Variants in RPRD2 observed in about 807,000 individuals in gnomAD.
RPRD2 encodes the protein regulation of nuclear pre-mRNA domain-containing protein 2.
RPRD2 carries 12 observed loss-of-function variants against 104.4 expected under a neutral mutation model. The ratio of observed to expected loss-of-function variants is 0.11; its 90% CI spans 0.07 to 0.19. The LOEUF (loss-of-function observed/expected upper bound fraction) is 0.19, where lower values mean the gene tolerates loss of function less well. Ranked by LOEUF, RPRD2 falls within the 10% of genes least tolerant of loss-of-function variation. RPRD2 has a pLI of 1.00. For synonymous variants in RPRD2, 714 were observed against 684.9 expected (o/e 1.04, Z -0.66); for missense variants, 1,543 against 1,790.1 (o/e 0.86, Z 2.49).
chr1:150,372,545 G>A (rs1660396138), intron 1 of RPRD2, among the ~76,000 whole-genome samples: 1 of 147,244 alleles, frequency 6.8e-6, no homozygotes. Context: ...CTCTAGTAAG[G>A]GGAGACAGAC....
intron 2 of RPRD2, among the ~76,000 whole-genome samples, chr1:150,435,700 A>G (rs1665944039): frequency 6.6e-6 from 1 of 152,234 alleles, no homozygotes; most frequent in Non-Finnish European, 1.5e-5. Context: ...GAAAGAAGTC[A>G]TCTCTATAAC....
intron 2 of RPRD2, 109 bp from the exon 3 acceptor site, chr1:150,440,814 T>C (rs1553894280): frequency 1.5e-6 from 1 of 654,548 alleles, no homozygotes; most frequent in East Asian, 2.9e-5. Context: ...GAAATAAACA[T>C]CAGAAGAAAT....
intron 1 of RPRD2, 93 bp downstream of exon 1, chr1:150,365,012 A>AT: frequency 7.5e-7 from 1 of 1,326,984 alleles, no homozygotes; most frequent in African/African-American, 1.5e-5. Flanking sequence ...GAGCCGCAGC[A>AT]TTTGGTTGGG....
intron 1 of RPRD2, among the ~76,000 whole-genome samples, chr1:150,371,028 A>G (rs1660260881): frequency 1.3e-5 from 2 of 152,208 alleles, no homozygotes; most frequent in Non-Finnish European, 2.9e-5. Flanking sequence ...ACTTTGAAGT[A>G]AATCTCAATG....
At chr1:150,400,377 G>A (rs587747786) in intron 1 of RPRD2, among the ~76,000 whole-genome samples, 11 of 152,106 alleles carry the variant, frequency 7.2e-5, no homozygotes, top group Non-Finnish European at 1.0e-4. Context: ...TATTGCATTG[G>A]CTGAAACTTC....
intron 7 of RPRD2, among the ~76,000 whole-genome samples, chr1:150,456,691 G>A (rs1434845780): frequency 6.6e-6 from 1 of 151,870 alleles, no homozygotes; most frequent in Non-Finnish European, 1.5e-5. Context: ...TTGGGAGGCC[G>A]AGGTGCATGG....
At chr1:150,380,745 C>A (rs1482797989) in intron 1 of RPRD2, among the ~76,000 whole-genome samples, 1 of 151,982 alleles carries the variant, frequency 6.6e-6, no homozygotes, top group Non-Finnish European at 1.5e-5. Flanking sequence ...ACCTCTGCCT[C>A]CTGGGTTCAA....
rs1039789304 is a variant in RPRD2, at chr1:150,476,323, C to A, written c.*2989C>A. ...CTCTCAATCCTGAAGTTACCGGTTC[C>A]TGCAGAATTGAGCTTCAGCTGTTAC... is the stretch of plus-strand genomic sequence containing the variant. On this transcript the variant is annotated 3_prime_UTR_variant, in exon 11 of 11. Coordinates refer to ENST00000369068, the MANE Select transcript of RPRD2 (RefSeq NM_015203.5). 1 of 152,166 alleles carries A rather than the reference C, an allele frequency of 6.6e-6. No homozygotes were observed. Among genetic ancestry groups the A allele is most frequent in the African/African-American group, 2.4e-5 (1 of 41,442 alleles). The allele number at this position is 152,166 out of a possible 1,614,324, so 9.4% of individuals were successfully genotyped here.
At position 150,471,736 on chromosome 1, in the gene RPRD2, T is replaced by C; in HGVS notation, c.2788T>C (p.Ser930Pro). 1.2e-6 allele frequency: 2 copies of C among 1,613,924 alleles called. No homozygotes were observed. Among genetic ancestry groups the C allele is most frequent in the Non-Finnish European group, 8.5e-7 (1 of 1,179,874 alleles). Residue 930 changes from serine to proline, a missense_variant, in exon 11 of 11, where the codon TCA (serine) becomes CCA (proline). By Grantham distance (74) the Ser-to-Pro change is moderately conservative. Coordinates refer to ENST00000369068, the MANE Select transcript of RPRD2 (RefSeq NM_015203.5). The surrounding 1 kb of genome is among the most constrained non-coding windows in gnomAD (Gnocchi z 5.3). ...GNEPGSDRSPSPSKNDSFFTP... is the reference protein window; with the variant it reads ...GNEPGSDRSPPPSKNDSFFTP... ...TGAACCTGGGTCTGACCGGTCACCA[T>C]CACCGAGTAAGAATGATTCATTTTT...
rs587742816 is a variant in RPRD2, at chr1:150,433,599, A to C, written c.336-7324A>C. Among the ~76,000 whole-genome samples the C allele has an allele frequency of 8.6e-4, 128 of 149,016 alleles. 2 individuals are homozygous for C. Among genetic ancestry groups the C allele is most frequent in the South Asian group, 4.8e-3 (23 of 4,752 alleles). ...AGCTGGGACTACAGGCGCCCGCCAC[A>C]ACGCCCAGCTAATTTTTTGTATTTT... On this transcript the variant is annotated intron_variant, in intron 2 of 10. Transcript: ENST00000369068.
intron 1 of RPRD2, among the ~76,000 whole-genome samples, chr1:150,412,492 C>CG (rs1279129025): frequency 6.6e-6 from 1 of 151,988 alleles, no homozygotes; most frequent in Non-Finnish European, 1.5e-5. Flanking sequence ...CCACTGAAAA[C>CG]GGTTTAGGAT....
chr1:150,462,131 A>T (rs1180730497), intron 9 of RPRD2, among the ~76,000 whole-genome samples: 1 of 151,862 alleles, frequency 6.6e-6, no homozygotes, highest in Non-Finnish European at 1.5e-5. Context: ...AAAATACAAA[A>T]ATTAGCTGGG....
At chr1:150,392,547 G>T (rs1662170117) in intron 1 of RPRD2, among the ~76,000 whole-genome samples, 1 of 152,140 alleles carries the variant, frequency 6.6e-6, no homozygotes, top group African/African-American at 2.4e-5. Flanking sequence ...GCCACTAGAA[G>T]GGGGAGAACA....
At chr1:150,466,370 T>A (rs1413178481) in intron 10 of RPRD2, among the ~76,000 whole-genome samples, 2 of 121,164 alleles carry the variant, frequency 1.7e-5, no homozygotes, top group African/African-American at 6.4e-5. Flanking sequence ...AGAGCAAGAC[T>A]CTGTCTCAAA....
At chr1:150,438,578 G>A (rs587689866) in intron 2 of RPRD2, among the ~76,000 whole-genome samples, 4 of 151,908 alleles carry the variant, frequency 2.6e-5, no homozygotes, top group Admixed American at 6.5e-5. Context: ...GCAGTGAGCC[G>A]AGATCGCACC....
chr1:150,415,981 A>G (rs1572428300), intron 1 of RPRD2, among the ~76,000 whole-genome samples: 1 of 152,324 alleles, frequency 6.6e-6, no homozygotes, highest in East Asian at 1.9e-4. Flanking sequence ...TTAAAATTTG[A>G]AATAGTTCTT....
chr1:150,389,965 T>A (rs1421447638), intron 1 of RPRD2, among the ~76,000 whole-genome samples: 1 of 152,180 alleles, frequency 6.6e-6, no homozygotes, highest in Non-Finnish European at 1.5e-5. Context: ...TTGAGAAAGA[T>A]GCTGAATTGA....
At chr1:150,408,477 T>C (rs1428315550) in intron 1 of RPRD2, among the ~76,000 whole-genome samples, 2 of 152,194 alleles carry the variant, frequency 1.3e-5, no homozygotes, top group African/African-American at 4.8e-5. Flanking sequence ...AAATAGTGTA[T>C]TTACATAATT....
In RPRD2 at chr1:150,471,905, G is replaced by T; in HGVS notation, c.2957G>T (p.Gly986Val). 1 of 1,613,870 alleles carries T rather than the reference G, an allele frequency of 6.2e-7. No homozygotes were observed. The highest frequency in any genetic ancestry group is 1.1e-5 in the South Asian group (1 of 91,080). Residue 986 changes from glycine (G) to valine (V), a missense_variant, in exon 11 of 11, where the codon GGT (glycine) becomes GTT (valine). Gly to Val is a moderately radical substitution (Grantham distance 109, BLOSUM62 -3). Transcript: ENST00000369068. This position sits in a 1 kb window ranked among gnomAD's most constrained non-coding sequence, Gnocchi z 5.3. ...CAGAACACCCTTGCCGCTCCCACGGGTCACCCACCCACGTCAGGCGTGGAG... is the reference window on the plus strand; with the variant it reads ...CAGAACACCCTTGCCGCTCCCACGGTTCACCCACCCACGTCAGGCGTGGAG... ...SPQNTLAAPT[G>V]HPPTSGVEKV... is the part of the protein sequence containing the mutation.
Sources: allele counts gnomAD v4.1 joint callset (sites outside exome capture counted in the v4.1 genomes callset), GRCh38; gene constraint gnomAD v4.1.1; non-coding constraint Gnocchi (gnomAD v3.1); transcripts MANE v1.5; gene names NCBI Gene and HGNC (gene_info 2026-07-23, HGNC 2026-07-21).